The following EDN3 variants were observed in gnomAD, a reference collection of about 807,000 sequenced individuals.
The protein encoded by EDN3 is endothelin-3.
A neutral mutation model predicts 21.4 loss-of-function variants in EDN3; 9 were observed. That is an observed-to-expected ratio of 0.42 (90% CI 0.25 to 0.73). The LOEUF (loss-of-function observed/expected upper bound fraction) is 0.73, where lower values mean the gene tolerates loss of function less well. Among genes scored for constraint, EDN3 ranks in the 30% least tolerant of loss-of-function variants. The pLI is 0.26. For synonymous variants in EDN3, 133 were observed against 126.2 expected (o/e 1.05, Z -0.36); for missense variants, 327 against 309.4 (o/e 1.06, Z -0.43).
chr20:59,318,157 G>A (rs1990301213), intron 2 of EDN3, among the ~76,000 whole-genome samples: 1 of 152,224 alleles, frequency 6.6e-6, no homozygotes, highest in Admixed American at 6.5e-5. Flanking sequence ...AGGGCTCCAG[G>A]TACATATCTC....
In EDN3 at chr20:59,301,613, G is replaced by A. The variant is rs776028645; in HGVS notation, c.256G>A (p.Glu86Lys). 2.5e-6 allele frequency: 4 copies of A among 1,614,096 alleles called. No individual in the cohort carries two copies. The highest frequency in any genetic ancestry group is 1.3e-5 in the African/African-American group (1 of 75,058). Reference protein sequence around the residue: ...PGSPGQEQAAEGAPEHHRSRR... With the variant: ...PGSPGQEQAAKGAPEHHRSRR... ...AAGCCCTGGGCAGGAGCAGGCGGCC[G>A]AGGGGGCCCCTGAGCACCACCGATC... The change falls in exon 2 of 5, where the codon GAG (glutamate) becomes AAG (lysine). Residue 86 changes from glutamate (E) to lysine (K), a missense_variant. Coordinates refer to ENST00000337938, the MANE Select transcript of EDN3 (RefSeq NM_207034.3).
intron 2 of EDN3, among the ~76,000 whole-genome samples, chr20:59,316,669 G>A (rs1990207859): frequency 6.6e-6 from 1 of 152,240 alleles, no homozygotes; most frequent in Admixed American, 6.5e-5. Flanking sequence ...TGTTGCAGAT[G>A]AAGAATGAAT....
At chr20:59,311,583 A>T (rs1466210922) in intron 2 of EDN3, among the ~76,000 whole-genome samples, 1 of 151,518 alleles carries the variant, frequency 6.6e-6, no homozygotes, top group Non-Finnish European at 1.5e-5. Context: ...CATTATAATT[A>T]GCATATAATG....
chr20:59,317,408 A>G (rs1990250657), intron 2 of EDN3, among the ~76,000 whole-genome samples: 1 of 152,238 alleles, frequency 6.6e-6, no homozygotes, highest in East Asian at 1.9e-4. Flanking sequence ...AAATAACAAT[A>G]GTAGCTACTG....
At position 59,322,844 on chromosome 20, in the gene EDN3, T is replaced by C. The variant is rs1054814493; in HGVS notation, c.588+427T>C. ...GTGGTCTTTCTCGTCAAAAAAATCA[T>C]TTATTCTTTTCAGCAGCTGATTCTG... On this transcript the variant is annotated intron_variant, in intron 4 of 4. Transcript: ENST00000337938. This position sits in a 1 kb window ranked among gnomAD's most constrained non-coding sequence, Gnocchi z 4.1. Among the ~76,000 whole-genome samples the C allele has an allele frequency of 3.9e-5, 6 of 152,200 alleles. No homozygotes were observed.
chr20:59,310,811 C>T (rs893344858), intron 2 of EDN3, among the ~76,000 whole-genome samples: 1 of 85,586 alleles, frequency 1.2e-5, no homozygotes, highest in Non-Finnish European at 2.2e-5. Flanking sequence ...ACAGTTTCGC[C>T]CCACAACTTG....
chr20:59,314,025 G>A (rs1990014394), intron 2 of EDN3, among the ~76,000 whole-genome samples: 1 of 152,198 alleles, frequency 6.6e-6, no homozygotes, highest in South Asian at 2.1e-4. Context: ...GCGTCCGGGG[G>A]TGGGCTCTGA....
intron 2 of EDN3, among the ~76,000 whole-genome samples, chr20:59,318,401 T>C (rs1331242686): frequency 6.6e-6 from 1 of 152,240 alleles, no homozygotes; most frequent in Non-Finnish European, 1.5e-5. Context: ...TTTGTCCAGA[T>C]ACAGGAGATA....
chr20:59,312,081 T>C (rs1393339588), intron 2 of EDN3, among the ~76,000 whole-genome samples: 1 of 152,202 alleles, frequency 6.6e-6, no homozygotes, highest in Non-Finnish European at 1.5e-5. Flanking sequence ...ATGAAAATAC[T>C]TGCTCCCTGT....
Position 59,315,899 on chromosome 20 carries a change from A to G in EDN3, c.366-5118A>G, listed in dbSNP as rs11570316. Among the ~76,000 whole-genome samples, 828 of 152,284 alleles carry G rather than the reference A, an allele frequency of 5.4e-3. 17 individuals carry two copies. Among genetic ancestry groups the G allele is most frequent in the African/African-American group, 0.018 (756 of 41,548 alleles). ...CGGGATGTTTATGTGAAATTTCCGGATTTAACAAAAAACACTATGGTTCAC... is the reference window on the plus strand; with the variant it reads ...CGGGATGTTTATGTGAAATTTCCGGGTTTAACAAAAAACACTATGGTTCAC... On this transcript the variant is annotated intron_variant, in intron 2 of 4. Transcript: ENST00000337938.
intron 2 of EDN3, among the ~76,000 whole-genome samples, chr20:59,310,029 G>A (rs1373779659): frequency 6.6e-6 from 1 of 152,226 alleles, no homozygotes; most frequent in African/African-American, 2.4e-5. Context: ...GGCCATTACA[G>A]TGAGGAACTT....
intron 4 of EDN3, among the ~76,000 whole-genome samples, chr20:59,323,121 G>A (rs1041885575): frequency 6.6e-6 from 1 of 152,120 alleles, no homozygotes; most frequent in African/African-American, 2.4e-5. Flanking sequence ...GAGACTGATC[G>A]AGGGAAGATG....
At chr20:59,316,110 C>T (rs1216450941) in intron 2 of EDN3, among the ~76,000 whole-genome samples, 1 of 152,158 alleles carries the variant, frequency 6.6e-6, no homozygotes, top group East Asian at 1.9e-4. Flanking sequence ...CGCTCAAACC[C>T]AGGAGGCGGA....
intron 2 of EDN3, among the ~76,000 whole-genome samples, chr20:59,319,012 T>G (rs1229884623): frequency 2.6e-5 from 4 of 152,182 alleles, no homozygotes; most frequent in Non-Finnish European, 5.9e-5. Context: ...CAAAACAATG[T>G]CTACATTGTC....
chr20:59,303,552 G>T (rs1989192720), intron 2 of EDN3, among the ~76,000 whole-genome samples: 1 of 152,180 alleles, frequency 6.6e-6, no homozygotes, highest in Non-Finnish European at 1.5e-5. Flanking sequence ...CAGGAACCTG[G>T]GGTGGTGGGC....
rs187772714 is a variant in EDN3 at position 59,322,888 on chromosome 20, C to T, written c.588+471C>T. ...GATTCTGGGCAGAGGTGAATTACAG[C>T]AGCTTGACAGCAGGGTCCCTTGGTT... On this transcript the variant is annotated intron_variant, in intron 4 of 4. Transcript: ENST00000337938. This position sits in a 1 kb window ranked among gnomAD's most constrained non-coding sequence, Gnocchi z 4.1. Among the ~76,000 whole-genome samples, 1 of 152,308 alleles carries T rather than the reference C, an allele frequency of 6.6e-6. No individual in the cohort carries two copies. The highest frequency in any genetic ancestry group is 1.9e-4 in the East Asian group (1 of 5,192).
chr20:59,322,574 C>G lies in EDN3; in HGVS notation c.588+157C>G. 5 of 1,022,698 alleles carry G rather than the reference C, an allele frequency of 4.9e-6. No homozygotes were observed. Among genetic ancestry groups the G allele is most frequent in the Non-Finnish European group, 7.5e-6 (5 of 665,032 alleles). The allele number at this position is 1,022,698 out of a possible 1,614,324, so 63.4% of individuals were successfully genotyped here. A position where few individuals can be genotyped will look rare whatever the true frequency, so the allele number is the denominator to read the frequency against. ...GATGCTGCACCCACAAGCAATGGTG[C>G]CTTTGGTGGACCGTTTCTGGGGGCA... On this transcript the variant is annotated intron_variant, in intron 4 of 4. Coordinates refer to ENST00000337938, the MANE Select transcript of EDN3 (RefSeq NM_207034.3). This position sits in a 1 kb window ranked among gnomAD's most constrained non-coding sequence, Gnocchi z 4.1.
In EDN3 at chr20:59,322,558, C is replaced by A. The variant is rs1018399259; in HGVS notation, c.588+141C>A. The stretch of plus-strand genomic sequence containing the variant: ...ACCCCAGATCTCATGGGATGCTGCA[C>A]CCACAAGCAATGGTGCCTTTGGTGG... On this transcript the variant is annotated intron_variant, in intron 4 of 4. Coordinates refer to ENST00000337938, the MANE Select transcript of EDN3 (RefSeq NM_207034.3). The surrounding 1 kb of genome is among the most constrained non-coding windows in gnomAD (Gnocchi z 4.1). 2.1e-5 allele frequency: 24 copies of A among 1,155,230 alleles called. No homozygotes were observed. Among genetic ancestry groups the A allele is most frequent in the Non-Finnish European group, 2.9e-5 (23 of 781,438 alleles). The allele number at this position is 1,155,230 out of a possible 1,614,324, so 71.6% of individuals were successfully genotyped here. A position where few individuals can be genotyped will look rare whatever the true frequency, so the allele number is the denominator to read the frequency against.
At chr20:59,318,130 G>C (rs1990299330) in intron 2 of EDN3, among the ~76,000 whole-genome samples, 1 of 152,230 alleles carries the variant, frequency 6.6e-6, no homozygotes, top group African/African-American at 2.4e-5. Flanking sequence ...TCCAGGGCCT[G>C]ACACTTGGGG....
Sources: allele counts gnomAD v4.1 joint callset (sites outside exome capture counted in the v4.1 genomes callset), GRCh38; gene constraint gnomAD v4.1.1; non-coding constraint Gnocchi (gnomAD v3.1); transcripts MANE v1.5; gene names NCBI Gene and HGNC (gene_info 2026-07-23, HGNC 2026-07-21).